The following HNRNPUL2 variants were observed in gnomAD, a reference collection of about 807,000 sequenced individuals.
HNRNPUL2 encodes the protein heterogeneous nuclear ribonucleoprotein U-like protein 2.
A neutral mutation model predicts 102.2 loss-of-function variants in HNRNPUL2; 27 were observed. That is an observed-to-expected ratio of 0.26 (90% CI 0.19 to 0.36). HNRNPUL2 has a LOEUF of 0.36. Ranked by LOEUF, HNRNPUL2 falls within the 10% of genes least tolerant of loss-of-function variation. The probability of loss-of-function intolerance (pLI) is 1.00; values close to 1 mark genes in which losing one functional copy is unlikely to be tolerated. For synonymous variants in HNRNPUL2, 458 were observed against 387.2 expected (o/e 1.18, Z -2.15); for missense variants, 936 against 981.1 (o/e 0.95, Z 0.61).
chr11:62,725,983 G>C (rs1230526257), intron 1 of HNRNPUL2, among the ~76,000 whole-genome samples: 2 of 152,124 alleles, frequency 1.3e-5, no homozygotes, highest in African/African-American at 4.8e-5. Context: ...ATCCAAGCAA[G>C]ATAAAAACCC....
chr11:62,723,424 G>A (rs1185029285), intron 4 of HNRNPUL2, among the ~76,000 whole-genome samples, 163 bp downstream of exon 4: 4 of 152,224 alleles, frequency 2.6e-5, no homozygotes, highest in Non-Finnish European at 5.9e-5. Context: ...CCAGGAGGCA[G>A]AGGCTGTGGT....
intron 10 of HNRNPUL2, among the ~76,000 whole-genome samples, chr11:62,719,667 G>T (rs537066280): frequency 6.6e-6 from 1 of 152,254 alleles, no homozygotes; most frequent in Admixed American, 6.5e-5. Flanking sequence ...CCACTGCTAT[G>T]GTTTGAGTTA....
In HNRNPUL2 at chr11:62,727,228, G is replaced by GCGCCGCCGCCGCCGCCGCCGCCCGC; in HGVS notation, c.-73_-72insGCGGGCGGCGGCGGCGGCGGCGGCG. ...CCGTCGACCGAGTCCGACCGCGCAG[G>GCGCCGCCGCCGCCGCCGCCGCCCGC]CGCCGCCGCCGCCGCCCGCCTCCGC... On this transcript the variant is annotated 5_prime_UTR_variant, in exon 1 of 14. Transcript: ENST00000301785. 2 of 1,298,120 alleles carry GCGCCGCCGCCGCCGCCGCCGCCCGC rather than the reference G, an allele frequency of 1.5e-6. No homozygotes were observed. The highest frequency in any genetic ancestry group is 1.9e-6 in the Non-Finnish European group (2 of 1,025,676). 80.4% of individuals were successfully genotyped at this position (1,298,120 alleles called of 1,614,324 possible).
rs528562457 is a variant in HNRNPUL2, at chr11:62,723,360, G to A, written c.891+227C>T. 4.5e-4 allele frequency among the ~76,000 whole-genome samples: 68 copies of A among 152,118 alleles called. 1 individual carries two copies. The South Asian group carries it at 0.013, about 29-fold the overall frequency. ...TACAAAATTAGCCAGGTGTGGTGGC[G>A]CATGCCTGTAATCCCAGCTCCTCGG... On this transcript the variant is annotated intron_variant, in intron 4 of 13. Transcript: ENST00000301785.
chr11:62,720,332 G>T (rs1026191604), intron 9 of HNRNPUL2, 141 bp from the exon 10 acceptor site: 4 of 696,594 alleles, frequency 5.7e-6, no homozygotes, highest in Non-Finnish European at 7.3e-6. Flanking sequence ...GATCATCTCA[G>T]GTCAGGAGTT....
chr11:62,721,493 G>A (rs2083702783), intron 8 of HNRNPUL2, 70 bp from the exon 9 acceptor site: 30 of 1,399,804 alleles, frequency 2.1e-5, no homozygotes, highest in Non-Finnish European at 2.9e-5. Context: ...AAGCCCAAGA[G>A]TTATTGGTAA....
At chr11:62,725,614 T>A (rs2083739462) in intron 1 of HNRNPUL2, among the ~76,000 whole-genome samples, 1 of 152,242 alleles carries the variant, frequency 6.6e-6, no homozygotes, top group Non-Finnish European at 1.5e-5. Context: ...ATGTGATTGT[T>A]GTACAATGGG....
At chr11:62,725,309 C>A (rs2083736942) in intron 1 of HNRNPUL2, among the ~76,000 whole-genome samples, 1 of 152,104 alleles carries the variant, frequency 6.6e-6, no homozygotes, top group Non-Finnish European at 1.5e-5. Flanking sequence ...GCCATTCTCC[C>A]GCCTCAGCCT....
rs572216570 is a variant in HNRNPUL2, at chr11:62,717,082, T to C, written c.1888A>G (p.Arg630Gly). Residue 630 changes from arginine (R) to glycine (G), a missense_variant, in exon 11 of 14, where the codon AGG becomes GGG. Coordinates refer to ENST00000301785, the MANE Select transcript of HNRNPUL2 (RefSeq NM_001079559.3). Reference protein sequence around the residue: ...PIVTKYKEEARKLLPPSEKRT... With the variant: ...PIVTKYKEEAGKLLPPSEKRT... ...TTCTCGGAGGGGGGCAGAAGCTTCCTTGCCTCCTCCTTGTACTTAGTGACA... is the reference window on the plus strand; with the variant it reads ...TTCTCGGAGGGGGGCAGAAGCTTCCCTGCCTCCTCCTTGTACTTAGTGACA... 9 of 1,614,178 alleles carry C rather than the reference T, an allele frequency of 5.6e-6. No individual in the cohort carries two copies. The South Asian group carries it at 7.7e-5, about 14-fold the overall frequency.
rs10615770 is a variant in HNRNPUL2, at chr11:62,720,863, C to CAAA, written c.1611+429_1611+431dup. Among the ~76,000 whole-genome samples the CAAA allele has an allele frequency of 3.3e-3, 253 of 77,220 alleles. 1 individual carries two copies. The highest frequency in any genetic ancestry group is 5.0e-3 in the African/African-American group (99 of 19,952). The allele number at this position is 77,220 out of a possible 152,430, so 50.7% of individuals were successfully genotyped here. Reference sequence around the variant, plus strand: ...TGGGCGACAGAGCGAGACTCGGTCTCAAAAAAAAAAAAAAAAAAAAAAAAG... The same window carrying CAAA: ...TGGGCGACAGAGCGAGACTCGGTCTCAAAAAAAAAAAAAAAAAAAAAAAAAAAG... On this transcript the variant is annotated intron_variant, in intron 9 of 13. Coordinates refer to ENST00000301785, the MANE Select transcript of HNRNPUL2 (RefSeq NM_001079559.3).
intron 10 of HNRNPUL2, among the ~76,000 whole-genome samples, chr11:62,718,939 C>G (rs191675977): frequency 1.3e-5 from 2 of 151,836 alleles, no homozygotes; most frequent in Admixed American, 1.3e-4. Flanking sequence ...AATTCTCTGC[C>G]TCAGCCTCCC....
chr11:62,723,447 T>A lies in HNRNPUL2; in HGVS notation c.891+140A>T, dbSNP rs1315058763. On this transcript the variant is annotated intron_variant, in intron 4 of 13. Coordinates refer to ENST00000301785, the MANE Select transcript of HNRNPUL2 (RefSeq NM_001079559.3). ...CAGAGGCTGTGGTGAGCCGAGATGG[T>A]GCCACTGGACTCCAGCCTGGGTAAC... is the stretch of plus-strand genomic sequence containing the variant. The A allele has an allele frequency of 3.6e-6, 3 of 834,980 alleles. No homozygotes were observed. In the African/African-American group the frequency reaches 5.2e-5, roughly 14 times the overall value. 51.7% of individuals were successfully genotyped at this position (834,980 alleles called of 1,614,324 possible).
At chr11:62,724,213 C>T in intron 2 of HNRNPUL2, 78 bp downstream of exon 2, 1 of 1,562,298 alleles carries the variant, frequency 6.4e-7, no homozygotes, top group East Asian at 2.2e-5. Flanking sequence ...CACCCTCCTT[C>T]CAGTCTCTCC....
At position 62,723,254 on chromosome 11, in the gene HNRNPUL2, G is replaced by A. The variant is rs113987152; in HGVS notation, c.891+333C>T. 3.6e-3 allele frequency among the ~76,000 whole-genome samples: 547 copies of A among 152,338 alleles called. 3 individuals are homozygous for A. The highest frequency in any genetic ancestry group is 0.013 in the African/African-American group (528 of 41,576). On this transcript the variant is annotated intron_variant, in intron 4 of 13. Coordinates refer to ENST00000301785, the MANE Select transcript of HNRNPUL2 (RefSeq NM_001079559.3). ...TGCCTGTAATCCCAGCACTTTGGGA[G>A]GCCAAGACGGGCGGATCACCTGAGG...
At chr11:62,716,767 C>T (rs1474676203) in intron 11 of HNRNPUL2, among the ~76,000 whole-genome samples, 1 of 152,118 alleles carries the variant, frequency 6.6e-6, no homozygotes, top group Non-Finnish European at 1.5e-5. Flanking sequence ...AAAAGTAACT[C>T]TTTTTTAAAA....
rs771996255 is a variant in HNRNPUL2, at chr11:62,722,663, T to C, written c.1033A>G (p.Asn345Asp). ...TGGCCAAATTCCTCAAATTGTCCAT[T>C]TTCTGCCTTGAGTCCTCGTCCATCG... ...GFDGRGLKAE[N>D]GQFEEFGQTF... is the part of the protein sequence containing the mutation. The change falls in exon 6 of 14, where the codon AAT (asparagine) becomes GAT (aspartate). Residue 345 changes from asparagine (N) to aspartate (D), a missense_variant. This residue lies in a region of HNRNPUL2 where 609 missense variants were observed against 713.0 expected (regional missense o/e 0.85). Coordinates refer to ENST00000301785, the MANE Select transcript of HNRNPUL2 (RefSeq NM_001079559.3). 3.7e-6 allele frequency: 6 copies of C among 1,614,172 alleles called. No homozygotes were observed. Among genetic ancestry groups the C allele is most frequent in the Non-Finnish European group, 5.1e-6 (6 of 1,180,028 alleles).
In HNRNPUL2 at chr11:62,726,977, C is replaced by G. The variant is rs2083758180; in HGVS notation, c.180G>C (p.Glu60Asp). 1.4e-6 allele frequency: 2 copies of G among 1,404,164 alleles called. No homozygotes were observed. The highest frequency in any genetic ancestry group is 6.0e-5 in the East Asian group (2 of 33,422). The allele number at this position is 1,404,164 out of a possible 1,614,324, so 87.0% of individuals were successfully genotyped here. ...GAGPGGACKA[E>D]PRPVAASGGG... Reference sequence around the variant, plus strand: ...CGCCCGACGCGGCCACAGGCCGAGGCTCCGCCTTGCAGGCCCCGCCGGGCC... The same window carrying G: ...CGCCCGACGCGGCCACAGGCCGAGGGTCCGCCTTGCAGGCCCCGCCGGGCC... The change falls in exon 1 of 14, where the codon GAG becomes GAC. Residue 60 changes from glutamate (E) to aspartate (D), a missense_variant. By Grantham distance (45) the Glu-to-Asp change is conservative. Transcript: ENST00000301785.
chr11:62,716,782 G>A (rs79554612), intron 11 of HNRNPUL2, among the ~76,000 whole-genome samples: 2,980 of 152,258 alleles, frequency 0.02, 101 homozygotes, highest in African/African-American at 0.067. Flanking sequence ...TTAAAAAAGA[G>A]GATTTTTGTT....
In HNRNPUL2 at chr11:62,721,837, C is replaced by T; in HGVS notation, c.1465G>A (p.Val489Met). The stretch of plus-strand genomic sequence containing the variant: ...CAACTTACCCTCATTTGATTGAGCA[C>T]AGTCTCAGCTCCCAGGACATTGTAT... ...KRYNVLGAET[V>M]LNQMRMKGLE... Residue 489 changes from valine to methionine, a missense_variant, in exon 8 of 14, where the codon GTG (valine) becomes ATG (methionine). Val to Met is a conservative substitution (Grantham distance 21). Around this residue, in one of 2 missense-constraint regions of HNRNPUL2, gnomAD observed 609 missense variants for 713.0 expected, o/e 0.85. Coordinates refer to ENST00000301785, the MANE Select transcript of HNRNPUL2 (RefSeq NM_001079559.3). The T allele has an allele frequency of 6.2e-7, 1 of 1,614,228 alleles. No homozygotes were observed. The highest frequency in any genetic ancestry group is 8.5e-7 in the Non-Finnish European group (1 of 1,180,032).
Sources: allele counts gnomAD v4.1 joint callset (sites outside exome capture counted in the v4.1 genomes callset), GRCh38; gene constraint gnomAD v4.1.1; regional missense constraint gnomAD v4.1.1; transcripts MANE v1.5; gene names NCBI Gene and HGNC (gene_info 2026-07-23, HGNC 2026-07-21).